Variants in PARP4 observed in about 807,000 individuals in gnomAD.
PARP4 encodes the protein poly(ADP-ribose) polymerase family member 4.
A neutral mutation model predicts 187.7 loss-of-function variants in PARP4; 120 were observed. That is an observed-to-expected ratio of 0.64 (90% CI 0.55 to 0.74). PARP4 has a LOEUF of 0.74. PARP4 is among the 30% of genes least tolerant of loss of function. The pLI, the probability that PARP4 is intolerant of heterozygous loss-of-function variation, is 0.00. For missense variants in PARP4, 1,836 were observed against 2,070.5 expected (o/e 0.89, Z 2.20); for synonymous variants, 654 against 740.9 (o/e 0.88, Z 1.90).
chr13:24,449,118 G>A (rs1345659610), intron 25 of PARP4, among the ~76,000 whole-genome samples: 1 of 152,170 alleles, frequency 6.6e-6, no homozygotes, highest in African/African-American at 2.4e-5. Context: ...GCCAGGCGCG[G>A]TGGCTCACGC....
chr13:24,505,750 T>C (rs111755857), intron 1 of PARP4, among the ~76,000 whole-genome samples: 803 of 152,314 alleles, frequency 5.3e-3, no homozygotes, highest in Non-Finnish European at 7.6e-3. Context: ...GACTGGTATT[T>C]GTCAATTTTT....
intron 29 of PARP4, 137 bp from the exon 30 acceptor site, chr13:24,442,105 C>T (rs188513755): frequency 0.02 from 20,648 of 1,008,850 alleles, 61 homozygotes; most frequent in African/African-American, 0.036. Flanking sequence ...GGGCCACAAG[C>T]GTGAGGGGAA....
chr13:24,438,648 C>T (rs1292997350), intron 30 of PARP4, among the ~76,000 whole-genome samples: 2 of 152,196 alleles, frequency 1.3e-5, no homozygotes, highest in South Asian at 2.1e-4. Context: ...GAAGACACTG[C>T]GCCTAAGCCC....
chr13:24,444,737 G>A (rs1225142209), intron 27 of PARP4, among the ~76,000 whole-genome samples: 1 of 152,146 alleles, frequency 6.6e-6, no homozygotes. Flanking sequence ...CTATTCAGAG[G>A]GACAGCAGAC....
At chr13:24,458,094 G>A (rs111786660) in intron 20 of PARP4, among the ~76,000 whole-genome samples, 17,674 of 151,174 alleles carry the variant, frequency 0.12, 1,184 homozygotes, top group African/African-American at 0.15. Context: ...AACATGGTGA[G>A]ACCCTGTCTC....
At chr13:24,445,625 A>C (rs1185464525) in intron 27 of PARP4, among the ~76,000 whole-genome samples, 1 of 152,270 alleles carries the variant, frequency 6.6e-6, no homozygotes, top group Admixed American at 6.5e-5. Flanking sequence ...TACCCTGTAT[A>C]CCTCTTCATC....
At chr13:24,446,913 A>G in intron 26 of PARP4, 103 bp downstream of exon 26, 1 of 1,458,456 alleles carries the variant, frequency 6.9e-7, no homozygotes, top group Non-Finnish European at 9.3e-7. Flanking sequence ...GTGTTCCCAG[A>G]AGAAGAAAAT....
At chr13:24,463,068 T>C (rs975249606) in intron 17 of PARP4, among the ~76,000 whole-genome samples, 3 of 151,910 alleles carry the variant, frequency 2.0e-5, no homozygotes, top group African/African-American at 7.3e-5. Flanking sequence ...ATTTAAAAAA[T>C]AACATAAACA....
intron 33 of PARP4, among the ~76,000 whole-genome samples, chr13:24,424,273 T>C (rs1869905114): frequency 1.3e-5 from 2 of 152,214 alleles, no homozygotes; most frequent in African/African-American, 4.8e-5. Context: ...CAGTGGGTTT[T>C]GTTTGTATCA....
Position 24,459,271 on chromosome 13 carries a change from T to C in PARP4, c.2338A>G (p.Lys780Glu), listed in dbSNP as rs775395062. The C allele has an allele frequency of 3.2e-6, 5 of 1,583,640 alleles. No individual in the cohort carries two copies. In the African/African-American group the frequency reaches 5.4e-5, roughly 17 times the overall value. Residue 780 changes from lysine to glutamate, a missense_variant, in exon 19 of 34, where the codon AAG (lysine) becomes GAG (glutamate). Physicochemically the swap from Lys to Glu is moderately conservative, Grantham distance 56. Around this residue, in one of 8 missense-constraint regions of PARP4, gnomAD observed 1,147 missense variants for 1,214.2 expected, o/e 0.94. Coordinates refer to ENST00000381989, the MANE Select transcript of PARP4 (RefSeq NM_006437.4). The stretch of plus-strand genomic sequence containing the variant: ...TATATTTTAGGTACTAACCTTTGCT[T>C]TGTTCCTATTTCTTTTATACAAATC... ...EKICIKEIGT[K>E]QSFSLTMSIE... is the part of the protein sequence containing the mutation.
intron 33 of PARP4, among the ~76,000 whole-genome samples, chr13:24,423,256 A>C (rs1869838333): frequency 6.6e-6 from 1 of 152,202 alleles, no homozygotes. Context: ...AAAATACAAA[A>C]AATAGGCTAG....
At position 24,498,320 on chromosome 13, in the gene PARP4, T is replaced by C. The variant is rs571199588; in HGVS notation, c.478-91A>G. On this transcript the variant is annotated intron_variant, in intron 5 of 33. Transcript: ENST00000381989. ...AAATGTTGATTATAATTATAAAATATGTTCATTTAGAGATATAATTTAGAA... is the reference window on the plus strand; with the variant it reads ...AAATGTTGATTATAATTATAAAATACGTTCATTTAGAGATATAATTTAGAA... The C allele has an allele frequency of 4.9e-4, 360 of 739,534 alleles. 1 individual carries two copies. The South Asian group carries it at 6.0e-3, about 12-fold the overall frequency. 45.8% of individuals were successfully genotyped at this position (739,534 alleles called of 1,614,324 possible).
chr13:24,483,682 A>G (rs1566013210), intron 12 of PARP4, among the ~76,000 whole-genome samples: 1 of 151,930 alleles, frequency 6.6e-6, no homozygotes, highest in East Asian at 2.0e-4. Context: ...GCTGGAGTGC[A>G]GTGGCACCAT....
chr13:24,434,262 T>C (rs1423030217), intron 31 of PARP4, 133 bp downstream of exon 31: 1 of 565,062 alleles, frequency 1.8e-6, no homozygotes, highest in Admixed American at 5.2e-5. Flanking sequence ...CAGTATGATT[T>C]ATACCCAGTG....
At chr13:24,507,308 A>G (rs1869766533) in intron 1 of PARP4, among the ~76,000 whole-genome samples, 1 of 152,216 alleles carries the variant, frequency 6.6e-6, no homozygotes, top group Non-Finnish European at 1.5e-5. Flanking sequence ...GAGGGCTGCA[A>G]GGGCTGCCAG....
chr13:24,488,978 C>G lies in PARP4; in HGVS notation c.1214+1690G>C, dbSNP rs561595891. Among the ~76,000 whole-genome samples, 89 of 152,324 alleles carry G rather than the reference C, an allele frequency of 5.8e-4. 3 individuals are homozygous for G. In the South Asian group the frequency reaches 0.018, roughly 31 times the overall value. On this transcript the variant is annotated intron_variant, in intron 10 of 33. Coordinates refer to ENST00000381989, the MANE Select transcript of PARP4 (RefSeq NM_006437.4). The stretch of plus-strand genomic sequence containing the variant: ...CCATTTGTAGTATGTGTCAGTGCTT[C>G]ATTACTTTTTCATGGCCGAATAATA...
At chr13:24,499,068 G>A (rs1241407036) in intron 5 of PARP4, among the ~76,000 whole-genome samples, 1 of 152,152 alleles carries the variant, frequency 6.6e-6, no homozygotes, top group Non-Finnish European at 1.5e-5. Context: ...GGAGGCTAAG[G>A]AGGGAGGATG....
intron 25 of PARP4, among the ~76,000 whole-genome samples, chr13:24,449,203 A>G (rs1871370944): frequency 1.3e-5 from 2 of 152,136 alleles, no homozygotes; most frequent in Non-Finnish European, 2.9e-5. Context: ...CCTGGCTAAC[A>G]CAGTGAAACC....
At chr13:24,439,568 A>G (rs1043972297) in intron 30 of PARP4, among the ~76,000 whole-genome samples, 2 of 152,306 alleles carry the variant, frequency 1.3e-5, no homozygotes, top group East Asian at 1.9e-4. Flanking sequence ...AAAAATGTAT[A>G]TAACAATGTT....
Sources: allele counts gnomAD v4.1 joint callset (sites outside exome capture counted in the v4.1 genomes callset), GRCh38; gene constraint gnomAD v4.1.1; regional missense constraint gnomAD v4.1.1; transcripts MANE v1.5; gene names NCBI Gene and HGNC (gene_info 2026-07-23, HGNC 2026-07-21).